EPB41L3: variants seen among roughly 807,000 people sequenced by gnomAD.
EPB41L3 encodes the protein band 4.1-like protein 3.
In EPB41L3, 57 loss-of-function variants were observed where a neutral mutation model predicts 127.1. That is an observed-to-expected ratio of 0.45 (90% CI 0.36 to 0.56). The LOEUF (loss-of-function observed/expected upper bound fraction) is 0.56. Ranked by LOEUF, EPB41L3 falls within the 20% of genes least tolerant of loss-of-function variation. The pLI, the probability that EPB41L3 is intolerant of heterozygous loss-of-function variation, is 0.00. For synonymous variants in EPB41L3, 572 were observed against 549.5 expected (o/e 1.04, Z -0.57); for missense variants, 1,273 against 1,372.2 (o/e 0.93, Z 1.14).
intron 12 of EPB41L3, among the ~76,000 whole-genome samples, chr18:5,416,688 TA>T (rs1349280464): frequency 6.6e-6 from 1 of 152,212 alleles, no homozygotes; most frequent in African/African-American, 2.4e-5. Context: ...CCCTTTAGAC[TA>T]ACAACTCTAG....
chr18:5,439,098 T>C (rs1308321762), intron 5 of EPB41L3, among the ~76,000 whole-genome samples: 1 of 152,160 alleles, frequency 6.6e-6, no homozygotes, highest in Non-Finnish European at 1.5e-5. Flanking sequence ...GTGCTGTTCA[T>C]ATTTGTTCCC....
At chr18:5,591,817 T>C (rs1021147056) in intron 3 of EPB41L3, among the ~76,000 whole-genome samples, 1 of 152,182 alleles carries the variant, frequency 6.6e-6, no homozygotes, top group Non-Finnish European at 1.5e-5. Context: ...AATATTTCAA[T>C]CTACCATTTT....
Position 5,558,993 on chromosome 18 carries a change from A to G in EPB41L3, c.-306+53347T>C, listed in dbSNP as rs147340451. Reference sequence around the variant, plus strand: ...CTTGCCAACATTACATAGTGTCTGGAATTAATTAAGTGATTGGTGCTAAAG... The same window carrying G: ...CTTGCCAACATTACATAGTGTCTGGGATTAATTAAGTGATTGGTGCTAAAG... On this transcript the variant is annotated intron_variant, in intron 3 of 21. Coordinates refer to the EPB41L3 transcript ENST00000545076. Among the ~76,000 whole-genome samples the G allele has an allele frequency of 2.2e-4, 34 of 152,260 alleles. 1 individual carries two copies. The East Asian group carries it at 6.6e-3, about 29-fold the overall frequency.
intron 3 of EPB41L3, among the ~76,000 whole-genome samples, chr18:5,552,946 A>G (rs1019941959): frequency 6.6e-6 from 1 of 152,204 alleles, no homozygotes; most frequent in Non-Finnish European, 1.5e-5. Context: ...ATTCAGTTAA[A>G]TCATATGAAA....
intron 1 of EPB41L3, among the ~76,000 whole-genome samples, chr18:5,625,110 G>A (rs1387676871): frequency 6.6e-6 from 1 of 152,070 alleles, no homozygotes; most frequent in Admixed American, 6.6e-5. Flanking sequence ...CAAACACAGG[G>A]CTTTGAATAC....
chr18:5,405,240 T>C (rs1347906145), intron 16 of EPB41L3, among the ~76,000 whole-genome samples: 1 of 152,228 alleles, frequency 6.6e-6, no homozygotes, highest in Non-Finnish European at 1.5e-5. Flanking sequence ...GCACTGCATA[T>C]AGACCACTGT....
intron 1 of EPB41L3, among the ~76,000 whole-genome samples, chr18:5,490,364 T>C (rs2090438064): frequency 6.6e-6 from 1 of 152,174 alleles, no homozygotes; most frequent in Non-Finnish European, 1.5e-5. Flanking sequence ...TAATATAGAA[T>C]TGTGCAAAAA....
chr18:5,454,087 T>G (rs1321321738), intron 3 of EPB41L3, among the ~76,000 whole-genome samples: 3 of 152,202 alleles, frequency 2.0e-5, no homozygotes, highest in African/African-American at 7.2e-5. Context: ...ATCAGACACC[T>G]GGACTCTGTG....
At chr18:5,510,236 C>T (rs1005365063) in intron 1 of EPB41L3, among the ~76,000 whole-genome samples, 3 of 152,186 alleles carry the variant, frequency 2.0e-5, no homozygotes, top group Admixed American at 6.5e-5. Flanking sequence ...GTTTGACTCA[C>T]TACACTTAGT....
At chr18:5,575,810 C>T (rs1472888600) in intron 3 of EPB41L3, among the ~76,000 whole-genome samples, 2 of 152,116 alleles carry the variant, frequency 1.3e-5, no homozygotes, top group African/African-American at 4.8e-5. Flanking sequence ...GCACTGCAGC[C>T]TTGGTGACAG....
At chr18:5,511,541 T>C (rs2148677089) in intron 1 of EPB41L3, among the ~76,000 whole-genome samples, 1 of 152,080 alleles carries the variant, frequency 6.6e-6, no homozygotes. Context: ...TTTGGTCAAA[T>C]ATTGAATCCA....
chr18:5,398,146 G>C lies in EPB41L3; in HGVS notation c.2350-3C>G. The C allele has an allele frequency of 1.9e-6, 3 of 1,613,914 alleles. No homozygotes were observed. Among genetic ancestry groups the C allele is most frequent in the Non-Finnish European group, 2.5e-6 (3 of 1,179,970 alleles). On this transcript the variant is annotated splice_polypyrimidine_tract_variant and splice_region_variant and intron_variant, in intron 16 of 22. Transcript: ENST00000341928. ...TTTTCCCCAGAAGACTGCTTAGTCT[G>C]AGTGAACAAAGAGAGGCAGAGTCAA...
chr18:5,541,575 T>G (rs2093731886), intron 1 of EPB41L3, among the ~76,000 whole-genome samples: 1 of 152,216 alleles, frequency 6.6e-6, no homozygotes, highest in Admixed American at 6.5e-5. Flanking sequence ...AGGTGGCCCT[T>G]TAATACATTT....
chr18:5,575,108 G>A (rs753398389), intron 3 of EPB41L3, among the ~76,000 whole-genome samples: 9 of 152,276 alleles, frequency 5.9e-5, no homozygotes, highest in African/African-American at 2.2e-4. Flanking sequence ...GGCAGTTCTT[G>A]GGAGGGTGGT....
At chr18:5,500,239 T>G (rs544066490) in intron 1 of EPB41L3, among the ~76,000 whole-genome samples, 1 of 152,362 alleles carries the variant, frequency 6.6e-6, no homozygotes, top group South Asian at 2.1e-4. Context: ...ATATTTTATC[T>G]ATATTCTTCG....
intron 2 of EPB41L3, among the ~76,000 whole-genome samples, chr18:5,484,121 A>G (rs1035774393): frequency 9.0e-6 from 1 of 110,578 alleles, no homozygotes; most frequent in African/African-American, 3.1e-5. Flanking sequence ...AAAAAAAAAA[A>G]CAGAAAAAAA....
At chr18:5,617,913 A>G (rs971837670) in intron 1 of EPB41L3, among the ~76,000 whole-genome samples, 47 of 152,322 alleles carry the variant, frequency 3.1e-4, no homozygotes, top group African/African-American at 1.1e-3. Context: ...GCAAAGCACT[A>G]TATACTCATC....
intron 3 of EPB41L3, among the ~76,000 whole-genome samples, chr18:5,571,539 T>C (rs1342602303): frequency 6.6e-6 from 1 of 152,214 alleles, no homozygotes; most frequent in African/African-American, 2.4e-5. Flanking sequence ...AGGCAGTGGG[T>C]TGGTTTCATG....
chr18:5,608,547 T>C (rs2094689492), intron 3 of EPB41L3, among the ~76,000 whole-genome samples: 1 of 152,158 alleles, frequency 6.6e-6, no homozygotes, highest in Non-Finnish European at 1.5e-5. Flanking sequence ...GAGGATTTCC[T>C]GATCATCTCA....
Sources: gnomAD v4.1 joint callset for allele counts (sites outside exome capture counted in the v4.1 genomes callset) on GRCh38, gnomAD v4.1.1 for gene constraint, MANE v1.5 for transcripts, NCBI Gene and HGNC (gene_info 2026-07-23, HGNC 2026-07-21) for gene names.